Variants in OXR1 observed in about 807,000 individuals in gnomAD.
OXR1 encodes the protein oxidation resistance 1.
Under a neutral mutation model 104.6 loss-of-function variants are expected in OXR1, and 41 were observed. The ratio of observed to expected loss-of-function variants is 0.39; its 90% confidence interval spans 0.31 to 0.51. The LOEUF (loss-of-function observed/expected upper bound fraction) is 0.51. OXR1 is among the 20% of genes least tolerant of loss of function. The pLI is 0.77. For synonymous variants in OXR1, 348 were observed against 348.4 expected, an observed-to-expected ratio of 1.00 and a Z score of 0.01; for missense variants, 955 against 1,031.9, an observed-to-expected ratio of 0.93 and a Z score of 1.02.
chr8:106,599,963 C>T (rs1819838707), intron 3 of OXR1, among the ~76,000 whole-genome samples: 1 of 152,176 alleles, frequency 6.6e-6, no homozygotes, highest in Admixed American at 6.5e-5. Flanking sequence ...AGGGTTGATG[C>T]TTCTATGAAG....
chr8:106,423,566 T>A (rs1818987904), intron 2 of OXR1, among the ~76,000 whole-genome samples: 1 of 152,238 alleles, frequency 6.6e-6, no homozygotes, highest in South Asian at 2.1e-4. Flanking sequence ...TCTCTCAGCC[T>A]CTGTTCTGCT....
At chr8:106,582,676 A>G (rs1239575687) in intron 3 of OXR1, among the ~76,000 whole-genome samples, 1 of 152,226 alleles carries the variant, frequency 6.6e-6, no homozygotes. Context: ...TAAAGTAGTG[A>G]AAAAAGCTTA....
intron 3 of OXR1, among the ~76,000 whole-genome samples, chr8:106,547,233 A>C (rs1475798402): frequency 6.6e-6 from 1 of 152,182 alleles, no homozygotes; most frequent in African/African-American, 2.4e-5. Context: ...CATGAAGTAC[A>C]CATCGCCACC....
chr8:106,501,156 G>A (rs1046328896), intron 2 of OXR1, among the ~76,000 whole-genome samples: 1 of 152,172 alleles, frequency 6.6e-6, no homozygotes, highest in Non-Finnish European at 1.5e-5. Context: ...TTAAGGGACA[G>A]AGTCTCCCTC....
chr8:106,739,603 G>A lies in OXR1; in HGVS notation c.2163+20G>A. 1.2e-6 allele frequency: 2 copies of A among 1,611,010 alleles called. No individual in the cohort carries two copies. Among genetic ancestry groups the A allele is most frequent in the Non-Finnish European group, 1.7e-6 (2 of 1,178,578 alleles). On this transcript the variant is annotated intron_variant, in intron 13 of 16. Transcript: ENST00000517566. ...GAAAAGGTATGACATGCTCACATAT[G>A]TGCATTTCTGAGTGTGAGTGTGTAC...
At chr8:106,495,413 T>A (rs918959035) in intron 2 of OXR1, among the ~76,000 whole-genome samples, 2 of 151,484 alleles carry the variant, frequency 1.3e-5, no homozygotes, top group Non-Finnish European at 3.0e-5. Flanking sequence ...GTAGATGGAA[T>A]GTAGTGGGAT....
intron 1 of OXR1, among the ~76,000 whole-genome samples, chr8:106,295,602 A>G (rs1812961973): frequency 2.6e-5 from 4 of 152,096 alleles, no homozygotes; most frequent in African/African-American, 2.4e-5. Flanking sequence ...CAGAAGTGGT[A>G]TTTGGCAAAA....
At chr8:106,434,455 G>C (rs181668759) in intron 2 of OXR1, among the ~76,000 whole-genome samples, 87 of 152,276 alleles carry the variant, frequency 5.7e-4, no homozygotes, top group Admixed American at 1.6e-3. Flanking sequence ...GTATAGTATG[G>C]ACAGTTTCCA....
chr8:106,348,299 A>G (rs1815580637), intron 1 of OXR1, among the ~76,000 whole-genome samples: 1 of 152,176 alleles, frequency 6.6e-6, no homozygotes, highest in Admixed American at 6.5e-5. Flanking sequence ...GAAAACACAC[A>G]CAAACACACA....
intron 3 of OXR1, among the ~76,000 whole-genome samples, chr8:106,558,914 T>G (rs1429006712): frequency 6.6e-6 from 1 of 152,230 alleles, no homozygotes; most frequent in East Asian, 1.9e-4. Context: ...ACATACTTCT[T>G]GGAAATAGGG....
chr8:106,469,792 A>G (rs1017305739), intron 2 of OXR1, among the ~76,000 whole-genome samples: 1 of 151,868 alleles, frequency 6.6e-6, no homozygotes, highest in South Asian at 2.1e-4. Context: ...TAAAGCCTGA[A>G]ATAGGCATCT....
chr8:106,297,723 C>T (rs1813060129), intron 1 of OXR1, among the ~76,000 whole-genome samples: 1 of 152,170 alleles, frequency 6.6e-6, no homozygotes, highest in South Asian at 2.1e-4. Flanking sequence ...ACTATCCTAG[C>T]TGTTTCCAAA....
At chr8:106,732,446 A>G (rs1833972165) in intron 11 of OXR1, among the ~76,000 whole-genome samples, 1 of 152,092 alleles carries the variant, frequency 6.6e-6, no homozygotes, top group African/African-American at 2.4e-5. Flanking sequence ...CTGGCAAGGG[A>G]TATCCTTTCC....
rs188456823 is a variant in OXR1, at chr8:106,392,889, G to A, written c.23+33253G>A. ...ATGACATTGAATCTAAATAAAAACA[G>A]CTTGCTGGCTCTTTTTGTTGTTGTT... On this transcript the variant is annotated intron_variant, in intron 2 of 16. Coordinates refer to ENST00000517566, the MANE Select transcript of OXR1 (RefSeq NM_001198533.2). Among the ~76,000 whole-genome samples, 16 of 152,252 alleles carry A rather than the reference G, an allele frequency of 1.1e-4. No homozygotes were observed. The East Asian group carries it at 1.9e-3, about 18-fold the overall frequency.
At chr8:106,551,885 TG>T (rs1381386325) in intron 3 of OXR1, among the ~76,000 whole-genome samples, 1 of 147,804 alleles carries the variant, frequency 6.8e-6, no homozygotes, top group Non-Finnish European at 1.5e-5. Flanking sequence ...TGTGTGTGTG[TG>T]TGTGTGTGTG....
At chr8:106,284,485 T>C (rs1351907190) in intron 1 of OXR1, among the ~76,000 whole-genome samples, 1 of 152,256 alleles carries the variant, frequency 6.6e-6, no homozygotes, top group East Asian at 1.9e-4. Flanking sequence ...AACCATCCTT[T>C]ATTGGCACAG....
chr8:106,515,239 T>C (rs2130073434), intron 2 of OXR1, among the ~76,000 whole-genome samples: 1 of 152,232 alleles, frequency 6.6e-6, no homozygotes, highest in South Asian at 2.1e-4. Flanking sequence ...AAATGATGTT[T>C]TGAAATATGT....
intron 2 of OXR1, among the ~76,000 whole-genome samples, chr8:106,449,705 T>G (rs971170053): frequency 1.2e-4 from 18 of 152,202 alleles, no homozygotes; most frequent in African/African-American, 3.6e-4. Flanking sequence ...CCTTTTACAT[T>G]TCCTTCATTA....
intron 8 of OXR1, 43 bp from the exon 9 acceptor site, chr8:106,706,324 AAAAGTAAAATACCAC>A: frequency 7.7e-7 from 1 of 1,298,816 alleles, no homozygotes; most frequent in Non-Finnish European, 1.1e-6. Context: ...TCAGTGTGTG[AAAAGTAAAATACCAC>A]AATTTTAAAA....
Sources: gnomAD v4.1 joint callset for allele counts (sites outside exome capture counted in the v4.1 genomes callset) on GRCh38, gnomAD v4.1.1 for gene constraint, MANE v1.5 for transcripts, NCBI Gene and HGNC (gene_info 2026-07-23, HGNC 2026-07-21) for gene names.